SRBD1: variants seen among roughly 807,000 people sequenced by gnomAD.
SRBD1 encodes S1 RNA binding domain 1.
SRBD1 carries 88 observed loss-of-function variants against 115.3 expected under a neutral mutation model. The ratio of observed to expected loss-of-function variants is 0.76; its 90% CI spans 0.64 to 0.91. The LOEUF (loss-of-function observed/expected upper bound fraction) is 0.91. Among genes scored for constraint, SRBD1 ranks in the 40% least tolerant of loss-of-function variants. The pLI, the probability that SRBD1 is intolerant of heterozygous loss-of-function variation, is 0.00. For missense variants in SRBD1, 1,385 were observed against 1,177.4 expected (o/e 1.18, Z -2.58); for synonymous variants, 509 against 407.7 (o/e 1.25, Z -2.99).
intron 14 of SRBD1, among the ~76,000 whole-genome samples, chr2:45,511,300 C>T (rs1428222405): frequency 6.6e-6 from 1 of 152,224 alleles, no homozygotes; most frequent in Non-Finnish European, 1.5e-5. Flanking sequence ...CGTTCATTAG[C>T]AGCATAAATA....
intron 10 of SRBD1, among the ~76,000 whole-genome samples, chr2:45,556,651 C>A (rs1029818478): frequency 2.6e-5 from 4 of 151,782 alleles, no homozygotes; most frequent in Non-Finnish European, 5.9e-5. Flanking sequence ...TTAGCAGAGA[C>A]AGGTTTTCAC....
intron 16 of SRBD1, among the ~76,000 whole-genome samples, chr2:45,467,303 G>A (rs893693242): frequency 6.6e-6 from 1 of 152,216 alleles, no homozygotes; most frequent in African/African-American, 2.4e-5. Context: ...AAACTCTGGA[G>A]ATGTAGCCTA....
intron 16 of SRBD1, among the ~76,000 whole-genome samples, chr2:45,458,543 C>T (rs1308727528): frequency 3.9e-5 from 6 of 152,152 alleles, no homozygotes; most frequent in Admixed American, 3.9e-4. Flanking sequence ...TCCTTTCACA[C>T]TTGGCTTCAA....
chr2:45,437,714 T>C (rs1397406495), intron 16 of SRBD1, among the ~76,000 whole-genome samples: 3 of 152,078 alleles, frequency 2.0e-5, no homozygotes, highest in Non-Finnish European at 4.4e-5. Context: ...GGCGATAGAC[T>C]AAGACTCTGT....
At chr2:45,488,113 T>C (rs1670174901) in intron 15 of SRBD1, 127 bp downstream of exon 15, 1 of 725,406 alleles carries the variant, frequency 1.4e-6, no homozygotes, top group Non-Finnish European at 2.3e-6. Context: ...TTCTTTCTAA[T>C]ATGCCAATTC....
chr2:45,520,065 T>G (rs1671235600), intron 14 of SRBD1, among the ~76,000 whole-genome samples: 1 of 152,050 alleles, frequency 6.6e-6, no homozygotes, highest in Non-Finnish European at 1.5e-5. Context: ...CAAGAGACAC[T>G]AACAGGACAA....
intron 16 of SRBD1, among the ~76,000 whole-genome samples, chr2:45,461,268 A>G (rs1271986176): frequency 6.6e-6 from 1 of 152,224 alleles, no homozygotes; most frequent in Non-Finnish European, 1.5e-5. Flanking sequence ...TTCCAGATAT[A>G]AAATACCTTA....
chr2:45,486,214 C>A (rs1269099944), intron 15 of SRBD1, among the ~76,000 whole-genome samples: 3 of 152,324 alleles, frequency 2.0e-5, no homozygotes, highest in Middle Eastern at 3.4e-3. Flanking sequence ...GTATCTTCAG[C>A]AGCGGGAGGC....
intron 14 of SRBD1, among the ~76,000 whole-genome samples, chr2:45,501,948 T>C (rs1670644122): frequency 1.3e-5 from 2 of 152,140 alleles, no homozygotes; most frequent in Admixed American, 1.3e-4. Flanking sequence ...GTAGTGGTTC[T>C]CCCAGTATGG....
chr2:45,570,814 G>T (rs1187539826), intron 9 of SRBD1, among the ~76,000 whole-genome samples: 1 of 152,060 alleles, frequency 6.6e-6, no homozygotes, highest in African/African-American at 2.4e-5. Flanking sequence ...TGTCTGGTGT[G>T]TCCCTGAGGA....
intron 20 of SRBD1, among the ~76,000 whole-genome samples, chr2:45,392,101 G>A (rs1248433620): frequency 1.3e-5 from 2 of 151,972 alleles, no homozygotes; most frequent in Admixed American, 1.3e-4. Flanking sequence ...CTTACTGGGT[G>A]TCATTTTATT....
At chr2:45,492,078 C>T (rs1670312885) in intron 14 of SRBD1, among the ~76,000 whole-genome samples, 1 of 152,144 alleles carries the variant, frequency 6.6e-6, no homozygotes, top group Non-Finnish European at 1.5e-5. Context: ...GCCTCAGCCT[C>T]CCAAAGGGCT....
At chr2:45,485,683 A>G (rs1184870728) in intron 15 of SRBD1, among the ~76,000 whole-genome samples, 1 of 152,208 alleles carries the variant, frequency 6.6e-6, no homozygotes, top group Non-Finnish European at 1.5e-5. Flanking sequence ...CATATGCTTA[A>G]CACACATATA....
At chr2:45,568,967 G>C (rs1343424748) in intron 9 of SRBD1, among the ~76,000 whole-genome samples, 5 of 152,240 alleles carry the variant, frequency 3.3e-5, no homozygotes, top group Non-Finnish European at 5.9e-5. Flanking sequence ...GGTAAATATA[G>C]TGTACACAAA....
chr2:45,406,442 A>G (rs1667439575), intron 19 of SRBD1, among the ~76,000 whole-genome samples: 1 of 152,160 alleles, frequency 6.6e-6, no homozygotes, highest in Admixed American at 6.5e-5. Flanking sequence ...AACAGTGTAG[A>G]GCAATACTCT....
At chr2:45,504,402 TAG>T (rs1670735587) in intron 14 of SRBD1, among the ~76,000 whole-genome samples, 1 of 152,248 alleles carries the variant, frequency 6.6e-6, no homozygotes, top group African/African-American at 2.4e-5. Flanking sequence ...TCAAAAAGAT[TAG>T]AGTCATTGGA....
chr2:45,400,820 G>A (rs2343470), intron 19 of SRBD1, among the ~76,000 whole-genome samples: 1 of 139,206 alleles, frequency 7.2e-6, no homozygotes, highest in African/African-American at 2.5e-5. Flanking sequence ...GAGGTATAGA[G>A]AGGTTAAATA....
In SRBD1 at chr2:45,424,792, C is replaced by T. The variant is rs143068444; in HGVS notation, c.2050-4898G>A. Among the ~76,000 whole-genome samples the T allele has an allele frequency of 7.9e-3, 1,199 of 152,074 alleles. 9 individuals carry two copies. Among genetic ancestry groups the T allele is most frequent in the Non-Finnish European group, 0.011 (760 of 67,942 alleles). ...ATGGTCTAAGCTAATCATGGTGGTC[C>T]CATTCTATTTATTCAATAATGGCAA... is the stretch of plus-strand genomic sequence containing the variant. On this transcript the variant is annotated intron_variant, in intron 16 of 20. Coordinates refer to ENST00000263736, the MANE Select transcript of SRBD1 (RefSeq NM_018079.5).
intron 14 of SRBD1, among the ~76,000 whole-genome samples, chr2:45,540,913 T>C (rs893844310): frequency 6.6e-6 from 1 of 152,216 alleles, no homozygotes; most frequent in African/African-American, 2.4e-5. Context: ...ACAGAGAAAC[T>C]AGTGTTACGG....
Sources: gnomAD v4.1 joint callset for allele counts (sites outside exome capture counted in the v4.1 genomes callset) on GRCh38, gnomAD v4.1.1 for gene constraint, MANE v1.5 for transcripts, NCBI Gene and HGNC (gene_info 2026-07-23, HGNC 2026-07-21) for gene names.